The following NPLOC4 variants were observed in gnomAD, a reference collection of about 807,000 sequenced individuals.
NPLOC4 encodes the protein NPL4 homolog, ubiquitin recognition factor.
NPLOC4 carries 18 observed loss-of-function variants against 80.6 expected under a neutral mutation model. The ratio of observed to expected loss-of-function variants is 0.22; its 90% CI spans 0.15 to 0.33. NPLOC4 has a LOEUF of 0.33. Among genes scored for constraint, NPLOC4 ranks in the 10% least tolerant of loss-of-function variants. The pLI is 1.00. For synonymous variants in NPLOC4, 313 were observed against 301.5 expected (o/e 1.04, Z -0.39); for missense variants, 540 against 786.1 (o/e 0.69, Z 3.74).
chr17:81,629,334 G>C (rs2035874887), intron 2 of NPLOC4, among the ~76,000 whole-genome samples: 1 of 151,462 alleles, frequency 6.6e-6, no homozygotes, highest in Non-Finnish European at 1.5e-5. Context: ...TGGGATTACA[G>C]GCACCTACCA....
rs1213816853 is a variant in NPLOC4, at chr17:81,622,157, G to A, written c.209+9C>T. The A allele has an allele frequency of 1.9e-6, 3 of 1,592,286 alleles. No individual in the cohort carries two copies. Among genetic ancestry groups the A allele is most frequent in the South Asian group, 2.2e-5 (2 of 90,532 alleles). On this transcript the variant is annotated intron_variant, in intron 3 of 16. Coordinates refer to ENST00000331134, the MANE Select transcript of NPLOC4 (RefSeq NM_017921.4). The stretch of plus-strand genomic sequence containing the variant: ...CCCATTCCCTGCTTCCTCCTCAGAG[G>A]ACACTTACTTGATTTTTAGCAAGTT...
chr17:81,594,284 A>AAT (rs1470319754), intron 11 of NPLOC4, among the ~76,000 whole-genome samples: 1 of 149,026 alleles, frequency 6.7e-6, no homozygotes, highest in Non-Finnish European at 1.5e-5. Flanking sequence ...CAAAAAAAAA[A>AAT]AAAAAAAAAA....
chr17:81,560,266 A>C (rs535616875), intron 16 of NPLOC4, among the ~76,000 whole-genome samples: 1 of 152,012 alleles, frequency 6.6e-6, no homozygotes, highest in South Asian at 2.1e-4. Context: ...AAAAATAATT[A>C]GCCAGGCGTG....
chr17:81,566,430 A>C (rs952939770), intron 15 of NPLOC4: 2 of 152,262 alleles, frequency 1.3e-5, no homozygotes, highest in African/African-American at 4.8e-5. Flanking sequence ...AAAATAGTGC[A>C]GTATACTAGC....
chr17:81,599,402 C>A (rs2035007558), intron 9 of NPLOC4, among the ~76,000 whole-genome samples: 1 of 152,122 alleles, frequency 6.6e-6, no homozygotes, highest in Non-Finnish European at 1.5e-5. Flanking sequence ...AAAATTGGAC[C>A]AATCTCTTTT....
chr17:81,610,148 A>C (rs1269018539), intron 5 of NPLOC4, 62 bp downstream of exon 5: 7 of 1,475,742 alleles, frequency 4.7e-6, no homozygotes, highest in African/African-American at 1.4e-5. Flanking sequence ...CAAGCACTTA[A>C]GACAGCTGTC....
At chr17:81,621,900 C>A (rs1047273986) in intron 3 of NPLOC4, among the ~76,000 whole-genome samples, 1 of 152,220 alleles carries the variant, frequency 6.6e-6, no homozygotes, top group Non-Finnish European at 1.5e-5. Flanking sequence ...CACTCCACGC[C>A]GTACATGGAC....
chr17:81,602,475 C>T lies in NPLOC4; in HGVS notation c.835-2048G>A, dbSNP rs181315459. ...ATCCCAACACTTTGTGAGGCTGAGG[C>T]GGGTGGATCACGAGGTCAGGAGTTT... On this transcript the variant is annotated intron_variant, in intron 8 of 16. Coordinates refer to ENST00000331134, the MANE Select transcript of NPLOC4 (RefSeq NM_017921.4). Among the ~76,000 whole-genome samples the T allele has an allele frequency of 3.7e-3, 555 of 152,046 alleles. 15 individuals carry two copies. Among genetic ancestry groups the T allele is most frequent in the Admixed American group, 0.033 (507 of 15,266 alleles).
chr17:81,586,867 A>G (rs1055663394), intron 12 of NPLOC4, among the ~76,000 whole-genome samples: 6 of 152,194 alleles, frequency 3.9e-5, no homozygotes, highest in Non-Finnish European at 8.8e-5. Flanking sequence ...TCAAAATGCA[A>G]CTCGGCTCTG....
rs552389747 is a variant in NPLOC4 at position 81,603,004 on chromosome 17, C to A, written c.834+1544G>T. ...ATACACACACACACACACACACACA[C>A]ACACACACACATATAAAAGTCAGAC... On this transcript the variant is annotated intron_variant, in intron 8 of 16. Coordinates refer to ENST00000331134, the MANE Select transcript of NPLOC4 (RefSeq NM_017921.4). 4.3e-5 allele frequency among the ~76,000 whole-genome samples: 6 copies of A among 138,776 alleles called. No homozygotes were observed. In the South Asian group the frequency reaches 8.9e-4, roughly 21 times the overall value. The allele number at this position is 138,776 out of a possible 152,430, so 91.0% of individuals were successfully genotyped here.
chr17:81,613,070 C>T (rs1333650181), intron 4 of NPLOC4: 1 of 380,652 alleles, frequency 2.6e-6, no homozygotes. Flanking sequence ...TCTTTGTACC[C>T]AAATGCTTCA....
intron 16 of NPLOC4, chr17:81,563,945 G>A (rs1233078759): frequency 4.4e-6 from 2 of 454,642 alleles, no homozygotes; most frequent in Admixed American, 2.4e-5. Context: ...GCCAGGTGTG[G>A]TGGTACACAT....
intron 15 of NPLOC4, among the ~76,000 whole-genome samples, chr17:81,566,177 C>T (rs888324382): frequency 1.3e-5 from 2 of 152,098 alleles, no homozygotes; most frequent in African/African-American, 4.8e-5. Context: ...ACTAAAAATA[C>T]AACAATTAGA....
intron 12 of NPLOC4, among the ~76,000 whole-genome samples, chr17:81,578,446 C>A (rs1469503546): frequency 6.6e-6 from 1 of 152,192 alleles, no homozygotes; most frequent in Non-Finnish European, 1.5e-5. Flanking sequence ...ACGGGAAGCT[C>A]TCAACAGATA....
chr17:81,582,630 T>C (rs1026059293), intron 12 of NPLOC4, among the ~76,000 whole-genome samples: 6 of 152,214 alleles, frequency 3.9e-5, no homozygotes, highest in Admixed American at 6.5e-5. Context: ...CTCGACTTCC[T>C]GAGCTCAAGC....
chr17:81,609,553 T>C (rs1416249190), intron 5 of NPLOC4, among the ~76,000 whole-genome samples: 3 of 152,056 alleles, frequency 2.0e-5, no homozygotes, highest in African/African-American at 4.8e-5. Context: ...CAAATGATCC[T>C]CTGGCCCTGG....
intron 15 of NPLOC4, chr17:81,566,613 CA>C (rs2034019653): frequency 6.6e-6 from 1 of 152,166 alleles, no homozygotes; most frequent in Non-Finnish European, 1.5e-5. Context: ...GGTTTTGAGA[CA>C]AAATACAGAC....
chr17:81,623,506 A>C (rs2035721363), intron 2 of NPLOC4, among the ~76,000 whole-genome samples: 1 of 151,412 alleles, frequency 6.6e-6, no homozygotes, highest in South Asian at 2.1e-4. Context: ...TCTCAAAAAA[A>C]TAAAAAACCC....
intron 3 of NPLOC4, among the ~76,000 whole-genome samples, chr17:81,618,631 G>A (rs2035577336): frequency 2.0e-5 from 3 of 150,400 alleles, no homozygotes; most frequent in Admixed American, 6.6e-5. Context: ...GAGGTGAGGG[G>A]CGCCTCTGCC....
Sources: gnomAD v4.1 joint callset for allele counts (sites outside exome capture counted in the v4.1 genomes callset) on GRCh38, gnomAD v4.1.1 for gene constraint, MANE v1.5 for transcripts, NCBI Gene and HGNC (gene_info 2026-07-23, HGNC 2026-07-21) for gene names.